The following JUP variants were observed in gnomAD, a reference collection of about 807,000 sequenced individuals.
JUP encodes the protein junction plakoglobin.
Under a neutral mutation model 71.1 loss-of-function variants are expected in JUP, and 28 were observed. The ratio of observed to expected loss-of-function variants is 0.39; its 90% CI spans 0.29 to 0.54. The LOEUF is 0.54. Ranked by LOEUF, JUP falls within the 20% of genes least tolerant of loss-of-function variation. JUP has a pLI of 0.62. For missense variants in JUP, 869 were observed against 1,030.1 expected (o/e 0.84, Z 2.14); for synonymous variants, 401 against 438.9 (o/e 0.91, Z 1.08).
chr17:41,760,265 G>GT (rs1296013536), intron 8 of JUP, among the ~76,000 whole-genome samples: 6 of 150,902 alleles, frequency 4.0e-5, no homozygotes, highest in Admixed American at 6.6e-5. Flanking sequence ...TTTTTTGTTT[G>GT]TTTTTTTTGA....
At chr17:41,774,393 G>C (rs1197728187) in intron 1 of JUP, among the ~76,000 whole-genome samples, 1 of 151,940 alleles carries the variant, frequency 6.6e-6, no homozygotes, top group African/African-American at 2.4e-5. Flanking sequence ...GAGTGCAGTG[G>C]CATGATCTTG....
rs1060502680 is a variant in JUP, at chr17:41,763,248, G to A, written c.1232C>T (p.Ala411Val). 6.2e-7 allele frequency: 1 copy of A among 1,614,200 alleles called. No homozygotes were observed. Among genetic ancestry groups the A allele is most frequent in the South Asian group, 1.1e-5 (1 of 91,090 alleles). ...TGTCAGGTTGGAGAGTGTGCCCGTG[G>A]CACAGGTGAGGACGTTGACGTCATC... The part of the protein sequence containing the change: ...SVDDVNVLTC[A>V]TGTLSNLTCN... Residue 411 changes from alanine (A) to valine (V), a missense_variant, in exon 8 of 14, where the codon GCC becomes GTC. Physicochemically the swap from Ala to Val is moderately conservative, Grantham distance 64. Transcript: ENST00000393931.
chr17:41,761,812 T>A (rs1241035452), intron 8 of JUP, among the ~76,000 whole-genome samples: 8 of 150,216 alleles, frequency 5.3e-5, no homozygotes, highest in Non-Finnish European at 1.2e-4. Flanking sequence ...CTCACACCTG[T>A]AATCCCCGTA....
intron 5 of JUP, among the ~76,000 whole-genome samples, chr17:41,766,484 G>A (rs910804191): frequency 6.6e-6 from 1 of 152,184 alleles, no homozygotes; most frequent in East Asian, 1.9e-4. Flanking sequence ...ACTTTGGGAG[G>A]CCAAGGCAGG....
At chr17:41,777,894 C>T (rs945506938) in intron 1 of JUP, among the ~76,000 whole-genome samples, 22 of 152,204 alleles carry the variant, frequency 1.4e-4, no homozygotes, top group African/African-American at 5.3e-4. Flanking sequence ...GCTGGAGCTC[C>T]GTTCCCTGCT....
intron 1 of JUP, among the ~76,000 whole-genome samples, chr17:41,784,406 G>A (rs996778587): frequency 3.6e-4 from 54 of 152,006 alleles, no homozygotes; most frequent in African/African-American, 1.3e-3. Flanking sequence ...CTCCTCCCCC[G>A]CATCCCCCAG....
chr17:41,759,631 G>A (rs1597789501), intron 8 of JUP, among the ~76,000 whole-genome samples: 1 of 152,260 alleles, frequency 6.6e-6, no homozygotes, highest in South Asian at 2.1e-4. Flanking sequence ...GGAAAGAGGT[G>A]TCCTGAGATC....
intron 7 of JUP, 91 bp downstream of exon 7, chr17:41,764,622 T>C (rs1335546817): frequency 6.5e-6 from 6 of 917,078 alleles, no homozygotes; most frequent in East Asian, 5.3e-5. Context: ...GAGCCCCCAG[T>C]CCTCCCACAG....
Position 41,757,639 on chromosome 17 carries a change from C to T in JUP, c.1919G>A (p.Gly640Asp), listed in dbSNP as rs1555598829. The T allele has an allele frequency of 3.7e-6, 6 of 1,613,790 alleles. No homozygotes were observed. The highest frequency in any genetic ancestry group is 5.1e-6 in the Non-Finnish European group (6 of 1,179,868). ...CCTGCCCTCCCCCAGCTCACCAGTG[C>T]CCTCGTTGCGGGAGTGCAGCAACTC... ...LMELLHSRNE[G>D]TATYAAAVLF... Residue 640 changes from glycine (G) to aspartate (D), a missense_variant, in exon 11 of 14, where the codon GGC becomes GAC. Coordinates refer to ENST00000393931, the MANE Select transcript of JUP (RefSeq NM_002230.4).
At position 41,758,715 on chromosome 17, in the gene JUP, C is replaced by T. The variant is rs782044013; in HGVS notation, c.1653G>A (p.Thr551=). 7.5e-6 allele frequency: 12 copies of T among 1,598,916 alleles called. No homozygotes were observed. Among genetic ancestry groups the T allele is most frequent in the African/African-American group, 5.4e-5 (4 of 74,564 alleles). Residue 551 remains threonine, a splice_region_variant and synonymous_variant, in exon 9 of 14, where the codon ACG becomes ACA. Transcript: ENST00000393931. ...HVAAGTQQPY[T]DGVRMEEIVE... ...TCAGAGGCACCACCAGCTCACATAC[C>T]GTGTAGGGCTGCTGTGTGCCTGCAG... is the stretch of plus-strand genomic sequence containing the variant.
intron 4 of JUP, among the ~76,000 whole-genome samples, chr17:41,768,400 A>C (rs1451387286): frequency 6.0e-5 from 3 of 49,702 alleles, no homozygotes; most frequent in African/African-American, 1.2e-4. Context: ...ACTCCATCTC[A>C]AAACAAAAAA....
intron 8 of JUP, among the ~76,000 whole-genome samples, chr17:41,759,564 G>A (rs576308080): frequency 4.0e-5 from 6 of 150,642 alleles, no homozygotes; most frequent in East Asian, 4.0e-4. Context: ...AGGTGCCCCC[G>A]AAGCCTCCTG....
intron 1 of JUP, among the ~76,000 whole-genome samples, chr17:41,783,597 A>G (rs1252838047): frequency 2.0e-5 from 3 of 151,878 alleles, no homozygotes; most frequent in Non-Finnish European, 4.4e-5. Flanking sequence ...CTGGCCAGCC[A>G]TAAGGATTAA....
intron 8 of JUP, among the ~76,000 whole-genome samples, chr17:41,762,174 A>T (rs200280708): frequency 0.15 from 6,239 of 41,040 alleles, 150 homozygotes; most frequent in African/African-American, 0.31. Flanking sequence ...AGAGAGAGAG[A>T]GAGTGTGTGT....
chr17:41,775,879 C>A (rs1029616551), intron 1 of JUP: 2 of 685,710 alleles, frequency 2.9e-6, no homozygotes, highest in African/African-American at 3.9e-5. Flanking sequence ...TCCTCCTCTG[C>A]GCAGCCAACC....
chr17:41,779,056 GA>G (rs2047030278), intron 1 of JUP, among the ~76,000 whole-genome samples: 1 of 151,582 alleles, frequency 6.6e-6, no homozygotes, highest in South Asian at 2.1e-4. Context: ...CCAACATGGT[GA>G]AACCCCGTCT....
At chr17:41,771,525 C>CA in intron 2 of JUP, 122 bp downstream of exon 2, 1 of 878,914 alleles carries the variant, frequency 1.1e-6, no homozygotes, top group Non-Finnish European at 1.8e-6. Flanking sequence ...CCCTAGTTAG[C>CA]ATGAGCTGTG....
At chr17:41,773,162 T>C (rs1380141848) in intron 1 of JUP, among the ~76,000 whole-genome samples, 2 of 152,306 alleles carry the variant, frequency 1.3e-5, no homozygotes, top group East Asian at 1.9e-4. Flanking sequence ...GAACTCAGGC[T>C]GGTCCACCCA....
At position 41,757,340 on chromosome 17, in the gene JUP, A is replaced by AC. The variant is rs1187911243; in HGVS notation, c.2046+74dup. 7 of 1,489,436 alleles carry AC rather than the reference A, an allele frequency of 4.7e-6. No homozygotes were observed. In the Admixed American group the frequency reaches 1.2e-4, roughly 25 times the overall value. The allele number at this position is 1,489,436 out of a possible 1,614,324, so 92.3% of individuals were successfully genotyped here. A position where few individuals can be genotyped will look rare whatever the true frequency, so the allele number is the denominator to read the frequency against. Reference sequence around the variant, plus strand: ...TCTATGAAGTTGACAGTAGTAGGAGACCCCCAAAAGTGTTGCCCATGGGCA... The same window carrying AC: ...TCTATGAAGTTGACAGTAGTAGGAGACCCCCCAAAAGTGTTGCCCATGGGCA... On this transcript the variant is annotated intron_variant, in intron 12 of 13. Coordinates refer to ENST00000393931, the MANE Select transcript of JUP (RefSeq NM_002230.4).
Sources: allele counts gnomAD v4.1 joint callset (sites outside exome capture counted in the v4.1 genomes callset), GRCh38; gene constraint gnomAD v4.1.1; transcripts MANE v1.5; gene names NCBI Gene and HGNC (gene_info 2026-07-23, HGNC 2026-07-21).